Variants in BMPR1B observed in about 807,000 individuals in gnomAD.
The protein encoded by BMPR1B is bone morphogenetic protein receptor type-1B.
A neutral mutation model predicts 59.1 loss-of-function variants in BMPR1B; 12 were observed. The ratio of observed to expected loss-of-function variants is 0.20; its 90% CI spans 0.13 to 0.33. The LOEUF (loss-of-function observed/expected upper bound fraction) is 0.33. Among genes scored for constraint, BMPR1B ranks in the 10% least tolerant of loss-of-function variants. The pLI, the probability that BMPR1B is intolerant of heterozygous loss-of-function variation, is 1.00. For missense variants in BMPR1B, 550 were observed against 610.9 expected (o/e 0.90, Z 1.05); for synonymous variants, 237 against 207.3 (o/e 1.14, Z -1.23).
chr4:95,104,626 T>C (rs539152962), intron 4 of BMPR1B, 59 bp downstream of exon 4: 46 of 1,591,934 alleles, frequency 2.9e-5, no homozygotes, highest in South Asian at 2.0e-4. Context: ...TTTTCAACTA[T>C]GCAACTGTAG....
At chr4:94,794,055 G>A (rs890855613) in intron 1 of BMPR1B, among the ~76,000 whole-genome samples, 1 of 150,910 alleles carries the variant, frequency 6.6e-6, no homozygotes, top group Non-Finnish European at 1.5e-5. Context: ...GGCTTTTGTT[G>A]CCATTGCTTT....
At chr4:95,053,126 A>G (rs1390317988) in intron 3 of BMPR1B, among the ~76,000 whole-genome samples, 1 of 152,176 alleles carries the variant, frequency 6.6e-6, no homozygotes, top group Non-Finnish European at 1.5e-5. Context: ...TAAAATGCTA[A>G]CCTTAGAATG....
At chr4:94,820,153 AC>A (rs1333670970) in intron 1 of BMPR1B, among the ~76,000 whole-genome samples, 7 of 152,062 alleles carry the variant, frequency 4.6e-5, no homozygotes, top group African/African-American at 7.2e-5. Flanking sequence ...GCCCATCAAG[AC>A]CCCCATTATG....
At position 95,152,962 on chromosome 4, in the gene BMPR1B, T is replaced by C. The variant is rs190378707; in HGVS notation, c.1383+189T>C. On this transcript the variant is annotated intron_variant, in intron 12 of 12. Coordinates refer to ENST00000515059, the MANE Select transcript of BMPR1B (RefSeq NM_001203.3). ...ATTACTTGTTCTACTTTTCCAATTT[T>C]ATTTTGCCACTTCCAGAATATATTG... 7.5e-4 allele frequency among the ~76,000 whole-genome samples: 114 copies of C among 152,322 alleles called. 1 individual carries two copies. The highest frequency in any genetic ancestry group is 1.0e-3 in the Non-Finnish European group (71 of 68,020).
intron 2 of BMPR1B, among the ~76,000 whole-genome samples, chr4:94,915,816 T>C (rs1371635496): frequency 6.6e-6 from 1 of 152,206 alleles, no homozygotes; most frequent in Non-Finnish European, 1.5e-5. Context: ...TCATGTTGAA[T>C]TGTAATCCCC....
chr4:94,892,015 G>A lies in BMPR1B; in HGVS notation c.-113+16115G>A, dbSNP rs1578769134. 2.0e-5 allele frequency among the ~76,000 whole-genome samples: 3 copies of A among 152,154 alleles called. No individual in the cohort carries two copies. In the South Asian group the frequency reaches 6.2e-4, roughly 32 times the overall value. ...ACATATAAAGCACTGTCTTGGGGCT[G>A]TACTTGCAAACTTCATTAAGAGTGG... On this transcript the variant is annotated intron_variant, in intron 2 of 12. Transcript: ENST00000515059.
At chr4:94,983,295 C>T (rs1056602214) in intron 2 of BMPR1B, among the ~76,000 whole-genome samples, 1 of 151,928 alleles carries the variant, frequency 6.6e-6, no homozygotes, top group South Asian at 2.1e-4. Flanking sequence ...TTTGTTTTCC[C>T]ACTAGTATGT....
chr4:95,018,530 C>T (rs1723746251), intron 3 of BMPR1B, among the ~76,000 whole-genome samples: 1 of 152,090 alleles, frequency 6.6e-6, no homozygotes, highest in African/African-American at 2.4e-5. Flanking sequence ...ATATTAACTA[C>T]CACAGATCTG....
chr4:94,876,182 C>T (rs1344536958), intron 2 of BMPR1B, among the ~76,000 whole-genome samples: 2 of 152,202 alleles, frequency 1.3e-5, no homozygotes, highest in African/African-American at 4.8e-5. Context: ...GTCTGTTCCT[C>T]AAACATTTAC....
chr4:94,873,433 A>C (rs1726582589), intron 1 of BMPR1B, among the ~76,000 whole-genome samples: 1 of 146,240 alleles, frequency 6.8e-6, no homozygotes, highest in Admixed American at 6.8e-5. Flanking sequence ...TTTGAGACAG[A>C]GTTTCGCTCT....
At chr4:95,044,496 T>C (rs1725890871) in intron 3 of BMPR1B, among the ~76,000 whole-genome samples, 3 of 152,220 alleles carry the variant, frequency 2.0e-5, no homozygotes, top group African/African-American at 7.2e-5. Context: ...AGATCAACAG[T>C]GACAGTCATA....
chr4:95,147,462 A>G (rs10017893), intron 10 of BMPR1B, among the ~76,000 whole-genome samples: 3,048 of 152,240 alleles, frequency 0.02, 108 homozygotes, highest in African/African-American at 0.07. Flanking sequence ...TTGACTATCT[A>G]TGACAGCAGG....
intron 1 of BMPR1B, among the ~76,000 whole-genome samples, chr4:94,827,177 A>G (rs1402400557): frequency 6.6e-6 from 1 of 152,122 alleles, no homozygotes; most frequent in Non-Finnish European, 1.5e-5. Flanking sequence ...TTGAGGCTTC[A>G]ATAGCAAAAG....
At position 94,830,614 on chromosome 4, in the gene BMPR1B, A is replaced by T. The variant is rs1267493450; in HGVS notation, c.-182-45217A>T. ...TACTACCATATATCTGAAATAGTAG[A>T]GGTGGATGTTAATAAAATTCATAAA... On this transcript the variant is annotated intron_variant, in intron 1 of 12. Transcript: ENST00000515059. Among the ~76,000 whole-genome samples, 7 of 152,308 alleles carry T rather than the reference A, an allele frequency of 4.6e-5. No individual in the cohort carries two copies. In the East Asian group the frequency reaches 1.4e-3, roughly 29 times the overall value.
chr4:94,867,397 T>G (rs985350308), intron 1 of BMPR1B, among the ~76,000 whole-genome samples: 5 of 152,256 alleles, frequency 3.3e-5, no homozygotes, highest in Non-Finnish European at 7.3e-5. Context: ...GGCATCTTTC[T>G]GAGTGATGTC....
chr4:95,097,545 C>CT lies in BMPR1B; in HGVS notation c.-17-6855dup, dbSNP rs1278287506. Among the ~76,000 whole-genome samples, 77 of 151,724 alleles carry CT rather than the reference C, an allele frequency of 5.1e-4. No individual in the cohort carries two copies. In the Middle Eastern group the frequency reaches 0.014, roughly 27 times the overall value. On this transcript the variant is annotated intron_variant, in intron 3 of 12. Coordinates refer to ENST00000515059, the MANE Select transcript of BMPR1B (RefSeq NM_001203.3). The stretch of plus-strand genomic sequence containing the variant: ...ACTATTTGACTTTCTTTCTTTCTTT[C>CT]TTTTTTTTGTTGAGACAGAGTCTCG...
At chr4:94,864,533 G>T (rs911476792) in intron 1 of BMPR1B, among the ~76,000 whole-genome samples, 2 of 152,118 alleles carry the variant, frequency 1.3e-5, no homozygotes, top group Non-Finnish European at 2.9e-5. Context: ...AAGCTGTATA[G>T]TTCTGTATTT....
intron 3 of BMPR1B, among the ~76,000 whole-genome samples, chr4:95,085,989 C>CTGTGTGTGTGTGTGTG (rs3068102): frequency 6.0e-5 from 9 of 149,834 alleles, no homozygotes; most frequent in African/African-American, 2.2e-4. Context: ...GTGTGTGTAC[C>CTGTGTGTGTGTGTGTG]TGTGTGTGTG....
intron 1 of BMPR1B, among the ~76,000 whole-genome samples, chr4:94,762,490 C>T (rs1721817195): frequency 6.6e-6 from 1 of 152,128 alleles, no homozygotes; most frequent in Non-Finnish European, 1.5e-5. Flanking sequence ...AGAGGACGCA[C>T]TAGGGTTGTC....
Sources: gnomAD v4.1 joint callset for allele counts (sites outside exome capture counted in the v4.1 genomes callset) on GRCh38, gnomAD v4.1.1 for gene constraint, MANE v1.5 for transcripts, NCBI Gene and HGNC (gene_info 2026-07-23, HGNC 2026-07-21) for gene names.